The following FAM53B variants were observed in gnomAD, a reference collection of about 807,000 sequenced individuals.
FAM53B encodes the protein family with sequence similarity 53 member B, also known as protein FAM53B.
FAM53B carries 12 observed loss-of-function variants against 32.7 expected under a neutral mutation model. That is an observed-to-expected ratio of 0.37 (90% CI 0.24 to 0.59). FAM53B has a LOEUF of 0.59. Among genes scored for constraint, FAM53B ranks in the 20% least tolerant of loss-of-function variants. The probability of loss-of-function intolerance (pLI) is 0.72; values close to 1 mark genes in which losing one functional copy is unlikely to be tolerated. For synonymous variants in FAM53B, 234 were observed against 228.7 expected (o/e 1.02, Z -0.21); for missense variants, 477 against 577.7 (o/e 0.83, Z 1.79).
At chr10:124,703,143 C>T (rs1460715354) in intron 2 of FAM53B, among the ~76,000 whole-genome samples, 3 of 152,124 alleles carry the variant, frequency 2.0e-5, no homozygotes, top group Non-Finnish European at 4.4e-5. Flanking sequence ...CTCCCAGGTT[C>T]GAGCCATTCT....
chr10:124,662,830 G>C (rs1459127961), intron 4 of FAM53B, among the ~76,000 whole-genome samples: 1 of 152,088 alleles, frequency 6.6e-6, no homozygotes, highest in Non-Finnish European at 1.5e-5. Flanking sequence ...TCAATCAATC[G>C]ATTTTTGGGA....
intron 4 of FAM53B, chr10:124,667,416 G>T: frequency 1.3e-6 from 1 of 769,274 alleles, no homozygotes. Context: ...TCCTCATGGG[G>T]CTATCTGGAG....
At chr10:124,713,118 C>A (rs982878517) in intron 1 of FAM53B, among the ~76,000 whole-genome samples, 1 of 152,224 alleles carries the variant, frequency 6.6e-6, no homozygotes, top group Non-Finnish European at 1.5e-5. Flanking sequence ...CCACAGCCCT[C>A]CACCCTCACC....
At chr10:124,693,745 G>A (rs1564879771) in intron 3 of FAM53B, among the ~76,000 whole-genome samples, 1 of 152,210 alleles carries the variant, frequency 6.6e-6, no homozygotes, top group East Asian at 1.9e-4. Flanking sequence ...CGGGAAGATG[G>A]GGTGGTATCC....
intron 1 of FAM53B, among the ~76,000 whole-genome samples, chr10:124,710,444 C>G (rs1564884715): frequency 6.6e-6 from 1 of 152,226 alleles, no homozygotes; most frequent in South Asian, 2.1e-4. Flanking sequence ...GAGCCCAGCA[C>G]GATCTGGAAT....
intron 2 of FAM53B, 80 bp from the exon 3 acceptor site, chr10:124,696,292 G>T: frequency 8.1e-7 from 1 of 1,229,558 alleles, no homozygotes; most frequent in Non-Finnish European, 1.2e-6. Flanking sequence ...CCCTTCTAAA[G>T]TCACAATAAA....
intron 4 of FAM53B, among the ~76,000 whole-genome samples, chr10:124,668,610 C>T (rs938322778): frequency 2.6e-5 from 4 of 152,248 alleles, no homozygotes; most frequent in Admixed American, 6.5e-5. Context: ...CAGAAAGGCA[C>T]GACAAGACCC....
intron 4 of FAM53B, among the ~76,000 whole-genome samples, chr10:124,635,161 C>T (rs371825412): frequency 6.6e-5 from 10 of 152,244 alleles, no homozygotes; most frequent in Non-Finnish European, 1.3e-4. Flanking sequence ...GGCATGATCT[C>T]GGCTCACTGC....
chr10:124,633,338 A>C (rs78747712), intron 4 of FAM53B, among the ~76,000 whole-genome samples: 5 of 152,174 alleles, frequency 3.3e-5, no homozygotes, highest in Admixed American at 6.6e-5. Flanking sequence ...TCAACCTCAA[A>C]AAGGTGTAAA....
At chr10:124,650,119 C>T (rs556848681) in intron 4 of FAM53B, among the ~76,000 whole-genome samples, 121 of 152,300 alleles carry the variant, frequency 7.9e-4, no homozygotes, top group Admixed American at 2.4e-3. Context: ...TGACTTATCT[C>T]CCTAATGGAG....
intron 4 of FAM53B, among the ~76,000 whole-genome samples, chr10:124,662,607 G>C (rs1223947869): frequency 6.6e-6 from 1 of 151,824 alleles, no homozygotes; most frequent in Non-Finnish European, 1.5e-5. Context: ...CTTGAGGCCA[G>C]GAGTTCAAGA....
chr10:124,649,580 T>C (rs1346571043), intron 4 of FAM53B, among the ~76,000 whole-genome samples: 1 of 152,232 alleles, frequency 6.6e-6, no homozygotes, highest in South Asian at 2.1e-4. Context: ...GGACAATGCC[T>C]GTTCTAAACG....
intron 2 of FAM53B, among the ~76,000 whole-genome samples, chr10:124,699,934 G>A (rs766328273): frequency 7.2e-5 from 11 of 152,222 alleles, no homozygotes; most frequent in South Asian, 2.1e-4. Flanking sequence ...CTGCGAGCTC[G>A]CCCTGTGCTT....
Position 124,622,699 on chromosome 10 carries a change from T to A in FAM53B, c.*543A>T, listed in dbSNP as rs1047234604. ...GGTTCTGGTGTTACAGAAGGAAGCA[T>A]CTCCCGAACCTTCCCAAGCCTGAAG... On this transcript the variant is annotated 3_prime_UTR_variant, in exon 5 of 5. Coordinates refer to ENST00000337318, the MANE Select transcript of FAM53B (RefSeq NM_014661.4). 1 of 152,858 alleles carries A rather than the reference T, an allele frequency of 6.5e-6. No homozygotes were observed. Among genetic ancestry groups the A allele is most frequent in the African/African-American group, 2.4e-5 (1 of 41,436 alleles). 9.5% of individuals were successfully genotyped at this position (152,858 alleles called of 1,614,324 possible).
At chr10:124,738,101 GAGC>G (rs10584927) in intron 1 of FAM53B, among the ~76,000 whole-genome samples, 151,418 of 151,486 alleles carry the variant, frequency 1, 75,675 homozygotes, top group Middle Eastern at 1. Flanking sequence ...CACCAAGACA[GAGC>G]AGCAGCAGCA....
chr10:124,718,422 C>T (rs867181468), intron 1 of FAM53B, among the ~76,000 whole-genome samples: 3 of 152,194 alleles, frequency 2.0e-5, no homozygotes, highest in Non-Finnish European at 1.5e-5. Context: ...CCCCACATCG[C>T]GCTGCAAGCT....
intron 4 of FAM53B, among the ~76,000 whole-genome samples, chr10:124,660,303 A>G (rs1194926567): frequency 6.6e-6 from 1 of 152,246 alleles, no homozygotes; most frequent in East Asian, 1.9e-4. Context: ...TGTCTCAAGC[A>G]TGAGGGCAAC....
At chr10:124,677,270 A>G (rs1949741974) in intron 4 of FAM53B, among the ~76,000 whole-genome samples, 1 of 152,246 alleles carries the variant, frequency 6.6e-6, no homozygotes, top group Non-Finnish European at 1.5e-5. Context: ...GGAAAATGTC[A>G]GCAAAAGTCC....
chr10:124,650,593 T>C (rs985242668), intron 4 of FAM53B, among the ~76,000 whole-genome samples: 2 of 152,186 alleles, frequency 1.3e-5, no homozygotes, highest in African/African-American at 4.8e-5. Flanking sequence ...ATGAGGACGC[T>C]GCAGCTCAGA....
Sources: gnomAD v4.1 joint callset for allele counts (sites outside exome capture counted in the v4.1 genomes callset) on GRCh38, gnomAD v4.1.1 for gene constraint, MANE v1.5 for transcripts, NCBI Gene and HGNC (gene_info 2026-07-23, HGNC 2026-07-21) for gene names.